Variants in CNTNAP5 observed in about 807,000 individuals in gnomAD.
CNTNAP5 encodes contactin associated protein family member 5.
Under a neutral mutation model 150.2 loss-of-function variants are expected in CNTNAP5, and 72 were observed. The observed-to-expected ratio is 0.48, with a 90% CI of 0.40 to 0.58. The LOEUF (loss-of-function observed/expected upper bound fraction) is 0.58. Among genes scored for constraint, CNTNAP5 ranks in the 20% least tolerant of loss-of-function variants. CNTNAP5 has a pLI of 0.00. For synonymous variants in CNTNAP5, 672 were observed against 619.8 expected, an observed-to-expected ratio of 1.08 and a Z score of -1.25; for missense variants, 1,636 against 1,626.2, an observed-to-expected ratio of 1.01 and a Z score of -0.10.
At chr2:124,030,678 G>T (rs756392780) in intron 1 of CNTNAP5, among the ~76,000 whole-genome samples, 2 of 152,056 alleles carry the variant, frequency 1.3e-5, no homozygotes, top group Admixed American at 6.6e-5. Flanking sequence ...TGGAGATCTA[G>T]ATTTGATGCA....
intron 5 of CNTNAP5, among the ~76,000 whole-genome samples, chr2:124,441,233 C>T (rs1195707419): frequency 6.6e-6 from 1 of 152,028 alleles, no homozygotes; most frequent in East Asian, 1.9e-4. Context: ...TAATAAGTAA[C>T]TTGTAATTCC....
intron 21 of CNTNAP5, among the ~76,000 whole-genome samples, chr2:124,882,972 C>T (rs1369112064): frequency 6.6e-6 from 1 of 152,062 alleles, no homozygotes; most frequent in Admixed American, 6.6e-5. Context: ...ATTCAATTCT[C>T]TCCCTCCCAA....
intron 23 of CNTNAP5, 99 bp downstream of exon 23, chr2:124,911,637 T>C (rs1678657505): frequency 4.4e-6 from 4 of 912,344 alleles, no homozygotes; most frequent in Non-Finnish European, 7.0e-6. Flanking sequence ...CATCCAGCAC[T>C]CAGAGCCCCC....
At chr2:124,404,512 C>T (rs1264485129) in intron 3 of CNTNAP5, among the ~76,000 whole-genome samples, 1 of 152,188 alleles carries the variant, frequency 6.6e-6, no homozygotes, top group Admixed American at 6.5e-5. Context: ...TTAACAAAGT[C>T]AAGGAAGAGC....
At chr2:124,791,514 G>A (rs1279074328) in intron 18 of CNTNAP5, among the ~76,000 whole-genome samples, 3 of 152,120 alleles carry the variant, frequency 2.0e-5, no homozygotes, top group African/African-American at 7.2e-5. Context: ...CATGCTAGGA[G>A]GAGCACGAAC....
rs145662808 is a variant in CNTNAP5 at position 124,324,820 on chromosome 2, G to A, written c.381+82427G>A. Among the ~76,000 whole-genome samples the A allele has an allele frequency of 1.6e-3, 240 of 152,234 alleles. 1 individual carries two copies. The highest frequency in any genetic ancestry group is 5.5e-3 in the African/African-American group (228 of 41,534). Reference sequence around the variant, plus strand: ...GTTAGCTTTTCGACAATGGAAAAGGGGCATTTTATAAGACAAGCTTTCATG... The same window carrying A: ...GTTAGCTTTTCGACAATGGAAAAGGAGCATTTTATAAGACAAGCTTTCATG... On this transcript the variant is annotated intron_variant, in intron 3 of 23. Coordinates refer to ENST00000682447, the MANE Select transcript of CNTNAP5 (RefSeq NM_001367498.1).
chr2:124,627,074 G>A (rs1369545218), intron 12 of CNTNAP5, among the ~76,000 whole-genome samples: 2 of 152,288 alleles, frequency 1.3e-5, no homozygotes, highest in East Asian at 3.9e-4. Context: ...CTTACAGAAA[G>A]AGCTCTCACC....
At position 124,742,747 on chromosome 2, in the gene CNTNAP5, T is replaced by C. The variant is rs114718695; in HGVS notation, c.2078-4482T>C. 3.1e-3 allele frequency among the ~76,000 whole-genome samples: 469 copies of C among 152,176 alleles called. 3 individuals carry two copies. The highest frequency in any genetic ancestry group is 0.01 in the African/African-American group (433 of 41,522). Reference sequence around the variant, plus strand: ...TTTGCATGGAAGTAATGTAAACTCATGCAATTCCTCAGTCGTATTTTTTTT... The same window carrying C: ...TTTGCATGGAAGTAATGTAAACTCACGCAATTCCTCAGTCGTATTTTTTTT... On this transcript the variant is annotated intron_variant, in intron 13 of 23. Transcript: ENST00000682447.
At chr2:124,802,894 G>A (rs1681999866) in intron 19 of CNTNAP5, among the ~76,000 whole-genome samples, 1 of 152,138 alleles carries the variant, frequency 6.6e-6, no homozygotes, top group Admixed American at 6.5e-5. Flanking sequence ...GGAGGCCGAG[G>A]CTGGCAGATC....
At chr2:124,885,808 T>C (rs1167581694) in intron 21 of CNTNAP5, among the ~76,000 whole-genome samples, 1 of 152,096 alleles carries the variant, frequency 6.6e-6, no homozygotes, top group Admixed American at 6.6e-5. Context: ...TTCCTTTGTA[T>C]GGTTGAATAA....
intron 3 of CNTNAP5, among the ~76,000 whole-genome samples, chr2:124,364,085 G>A (rs1573943958): frequency 6.6e-6 from 1 of 152,120 alleles, no homozygotes; most frequent in Non-Finnish European, 1.5e-5. Context: ...TTTCAACTCA[G>A]AGTAGTAAGA....
intron 1 of CNTNAP5, among the ~76,000 whole-genome samples, chr2:124,124,788 C>G (rs557720054): frequency 3.6e-4 from 55 of 152,272 alleles, no homozygotes; most frequent in Non-Finnish European, 5.7e-4. Flanking sequence ...AATTTTCAAC[C>G]CAGAATTTCA....
intron 1 of CNTNAP5, among the ~76,000 whole-genome samples, chr2:124,204,551 T>G (rs2104714659): frequency 6.6e-6 from 1 of 152,270 alleles, no homozygotes; most frequent in Non-Finnish European, 1.5e-5. Flanking sequence ...TATGAAGAAA[T>G]ACTCCAGACT....
intron 3 of CNTNAP5, among the ~76,000 whole-genome samples, chr2:124,247,240 T>C (rs1258301001): frequency 6.6e-6 from 1 of 152,120 alleles, no homozygotes; most frequent in Non-Finnish European, 1.5e-5. Flanking sequence ...CAGAAAACAA[T>C]TTGAGAGTGA....
Position 124,242,356 on chromosome 2 carries a change from G to C in CNTNAP5, c.344G>C (p.Arg115Pro). ...SYSLMFSDTG[R>P]NWKQYKQEDS... The stretch of plus-strand genomic sequence containing the variant: ...AGCCTGATGTTCAGTGACACAGGAC[G>C]CAACTGGAAACAGTACAAACAAGAA... The change falls in exon 3 of 24, where the codon CGC becomes CCC. Residue 115 changes from arginine to proline, a missense_variant. Transcript: ENST00000682447. 2 of 1,613,250 alleles carry C rather than the reference G, an allele frequency of 1.2e-6. No individual in the cohort carries two copies. Among genetic ancestry groups the C allele is most frequent in the Non-Finnish European group, 1.7e-6 (2 of 1,179,632 alleles).
At chr2:124,146,794 CAGAA>C (rs1382183704) in intron 1 of CNTNAP5, among the ~76,000 whole-genome samples, 1 of 152,030 alleles carries the variant, frequency 6.6e-6, no homozygotes, top group African/African-American at 2.4e-5. Flanking sequence ...ATTTGAGTAA[CAGAA>C]AGGAAGACAT....
chr2:124,775,457 A>G (rs1361400256), intron 17 of CNTNAP5, among the ~76,000 whole-genome samples: 1 of 152,158 alleles, frequency 6.6e-6, no homozygotes, highest in Non-Finnish European at 1.5e-5. Context: ...ATGTCTGTCT[A>G]GATATCTTTG....
chr2:124,376,113 C>G (rs989694805), intron 3 of CNTNAP5, among the ~76,000 whole-genome samples: 3 of 152,024 alleles, frequency 2.0e-5, no homozygotes, highest in Non-Finnish European at 4.4e-5. Flanking sequence ...GGAAGAAAAA[C>G]ATATTCTAAG....
At chr2:124,765,472 AC>A (rs1428181264) in intron 16 of CNTNAP5, among the ~76,000 whole-genome samples, 3 of 86,122 alleles carry the variant, frequency 3.5e-5, no homozygotes, top group Non-Finnish European at 6.6e-5. Flanking sequence ...TTAAAAATAA[AC>A]AATTAGATTT....
Sources: allele counts gnomAD v4.1 joint callset (sites outside exome capture counted in the v4.1 genomes callset), GRCh38; gene constraint gnomAD v4.1.1; transcripts MANE v1.5; gene names NCBI Gene and HGNC (gene_info 2026-07-23, HGNC 2026-07-21).